The following FUT8 variants were observed in gnomAD, a reference collection of about 807,000 sequenced individuals.
The protein encoded by FUT8 is alpha-(1,6)-fucosyltransferase.
Under a neutral mutation model 71.3 loss-of-function variants are expected in FUT8, and 29 were observed. The ratio of observed to expected loss-of-function variants is 0.41; its 90% CI spans 0.30 to 0.55. FUT8 has a LOEUF of 0.55. Ranked by LOEUF, FUT8 falls within the 20% of genes least tolerant of loss-of-function variation. FUT8 has a pLI of 0.34. For synonymous variants in FUT8, 254 were observed against 239.3 expected (o/e 1.06, Z -0.57); for missense variants, 544 against 702.1 (o/e 0.77, Z 2.55).
At chr14:65,723,715 A>T (rs1895545188) in intron 8 of FUT8, among the ~76,000 whole-genome samples, 1 of 152,238 alleles carries the variant, frequency 6.6e-6, no homozygotes, top group Non-Finnish European at 1.5e-5. Flanking sequence ...AACCCTTGGT[A>T]TCAGAACTTT....
chr14:65,521,336 A>G (rs922840413), intron 2 of FUT8, among the ~76,000 whole-genome samples: 2 of 152,214 alleles, frequency 1.3e-5, no homozygotes, highest in Non-Finnish European at 2.9e-5. Context: ...TATGGATAAA[A>G]ACATATATAT....
intron 5 of FUT8, among the ~76,000 whole-genome samples, chr14:65,621,871 C>A (rs1445513567): frequency 6.6e-6 from 1 of 152,100 alleles, no homozygotes. Context: ...GTCATCCAGG[C>A]AGAAGTGCAG....
intron 7 of FUT8, among the ~76,000 whole-genome samples, chr14:65,718,013 A>G (rs1467522211): frequency 6.6e-6 from 1 of 152,012 alleles, no homozygotes; most frequent in Non-Finnish European, 1.5e-5. Flanking sequence ...TTTCTTAGCT[A>G]TTCAGCCACT....
At chr14:65,415,380 A>T (rs998138744) in intron 1 of FUT8, among the ~76,000 whole-genome samples, 2 of 152,200 alleles carry the variant, frequency 1.3e-5, no homozygotes, top group African/African-American at 4.8e-5. Context: ...AAGTCTTTTC[A>T]TGCGCTGCAA....
intron 1 of FUT8, among the ~76,000 whole-genome samples, chr14:65,453,109 T>G (rs1356695647): frequency 6.6e-6 from 1 of 151,920 alleles, no homozygotes; most frequent in Non-Finnish European, 1.5e-5. Context: ...TGTGCCCTGT[T>G]GGGTGCTGGA....
chr14:65,533,831 A>G (rs2139924790), intron 2 of FUT8, among the ~76,000 whole-genome samples: 1 of 152,264 alleles, frequency 6.6e-6, no homozygotes, highest in Middle Eastern at 3.4e-3. Flanking sequence ...AGTTTTTAAC[A>G]TGAAGGGATG....
intron 7 of FUT8, among the ~76,000 whole-genome samples, chr14:65,693,130 C>T (rs539430478): frequency 1.7e-4 from 26 of 152,344 alleles, no homozygotes; most frequent in African/African-American, 4.6e-4. Flanking sequence ...GCTGCAATCT[C>T]GGCACTTTGG....
At chr14:65,590,832 T>C (rs1042531259) in intron 3 of FUT8, among the ~76,000 whole-genome samples, 1 of 152,206 alleles carries the variant, frequency 6.6e-6, no homozygotes, top group Non-Finnish European at 1.5e-5. Flanking sequence ...TTTCACCTTC[T>C]GGCACTCCAT....
intron 1 of FUT8, among the ~76,000 whole-genome samples, chr14:65,426,699 C>T (rs933348166): frequency 6.6e-6 from 1 of 152,092 alleles, no homozygotes; most frequent in Non-Finnish European, 1.5e-5. Flanking sequence ...AAGGTCAGAG[C>T]GCTCTTCTTA....
chr14:65,690,593 T>G (rs192234772), intron 7 of FUT8, among the ~76,000 whole-genome samples: 1 of 152,262 alleles, frequency 6.6e-6, no homozygotes, highest in South Asian at 2.1e-4. Context: ...GAGCTCATAA[T>G]GTATTTTATT....
At chr14:65,532,693 C>G (rs1160866235) in intron 2 of FUT8, among the ~76,000 whole-genome samples, 1 of 152,014 alleles carries the variant, frequency 6.6e-6, no homozygotes, top group Non-Finnish European at 1.5e-5. Context: ...CTTTTTGTGT[C>G]TTTGTCATGA....
intron 2 of FUT8, among the ~76,000 whole-genome samples, chr14:65,461,392 G>A (rs1157785897): frequency 4.0e-5 from 6 of 151,710 alleles, no homozygotes; most frequent in African/African-American, 7.3e-5. Flanking sequence ...ATTTCTAGCC[G>A]TTACACATTT....
At chr14:65,659,765 C>T (rs1306496432) in intron 6 of FUT8, among the ~76,000 whole-genome samples, 3 of 152,024 alleles carry the variant, frequency 2.0e-5, no homozygotes, top group Non-Finnish European at 4.4e-5. Flanking sequence ...TATCTTATTT[C>T]CTCCTCTCCT....
At chr14:65,400,744 G>A in the FUT8 span, among the ~76,000 whole-genome samples, 7 of 152,128 alleles carry the variant, frequency 4.6e-5, no homozygotes, top group East Asian at 1.2e-3. Flanking sequence ...AATTAGCCAG[G>A]CTTGGTGGTG....
chr14:65,477,284 C>A (rs577480044), intron 2 of FUT8, among the ~76,000 whole-genome samples: 2 of 152,256 alleles, frequency 1.3e-5, no homozygotes, highest in South Asian at 4.1e-4. Flanking sequence ...CAGTTCCTGG[C>A]ATGAAGTAAT....
chr14:65,530,902 A>AATTCC (rs1883914554), intron 2 of FUT8, among the ~76,000 whole-genome samples: 1 of 148,554 alleles, frequency 6.7e-6, no homozygotes, highest in African/African-American at 2.5e-5. Flanking sequence ...AAACCTCATG[A>AATTCC]CTTTACCATA....
At chr14:65,376,562 C>T in the FUT8 span, among the ~76,000 whole-genome samples, 1 of 135,434 alleles carries the variant, frequency 7.4e-6, no homozygotes, top group South Asian at 2.5e-4. Context: ...AGGCGCCCAC[C>T]ACCATGCCTG....
intron 2 of FUT8, among the ~76,000 whole-genome samples, chr14:65,524,285 T>C (rs1405490641): frequency 6.6e-6 from 1 of 152,204 alleles, no homozygotes; most frequent in Non-Finnish European, 1.5e-5. Flanking sequence ...AAGAGGTCTT[T>C]CACATCCCTT....
intron 2 of FUT8, among the ~76,000 whole-genome samples, chr14:65,484,088 A>G (rs2066372998): frequency 6.6e-6 from 1 of 152,196 alleles, no homozygotes; most frequent in Non-Finnish European, 1.5e-5. Context: ...ATTTTTGTAT[A>G]GTGGCATTGT....
Sources: gnomAD v4.1 joint callset for allele counts (sites outside exome capture counted in the v4.1 genomes callset) on GRCh38, gnomAD v4.1.1 for gene constraint, MANE v1.5 for transcripts, NCBI Gene and HGNC (gene_info 2026-07-23, HGNC 2026-07-21) for gene names.